The following SPAG16 variants were observed in gnomAD, a reference collection of about 807,000 sequenced individuals.
SPAG16 encodes the protein sperm-associated antigen 16 protein.
Under a neutral mutation model 80.4 loss-of-function variants are expected in SPAG16, and 86 were observed. That is an observed-to-expected ratio of 1.07 (90% CI 0.90 to 1.28). The LOEUF is 1.28. SPAG16 is among the 50% of genes most tolerant of loss of function. SPAG16 has a pLI of 0.00. For missense variants in SPAG16, 870 were observed against 765.3 expected, an observed-to-expected ratio of 1.14 and a Z score of -1.61; for synonymous variants, 294 against 265.9, an observed-to-expected ratio of 1.11 and a Z score of -1.03.
Position 213,836,253 on chromosome 2 carries a change from A to T in SPAG16, c.1071-26232A>T, listed in dbSNP as rs184315016. Among the ~76,000 whole-genome samples, 1,297 of 147,912 alleles carry T rather than the reference A, an allele frequency of 8.8e-3. 17 individuals carry two copies. Among genetic ancestry groups the T allele is most frequent in the African/African-American group, 0.031 (1,245 of 40,366 alleles). On this transcript the variant is annotated intron_variant, in intron 10 of 15. Transcript: ENST00000331683. ...TCAGATGTTATAATTACTTCTTATA[A>T]TTTTTTTTCCTTTAGAGGAATATCC...
intron 9 of SPAG16, among the ~76,000 whole-genome samples, chr2:213,375,955 G>T (rs2066863280): frequency 6.7e-6 from 1 of 148,802 alleles, no homozygotes; most frequent in South Asian, 2.1e-4. Flanking sequence ...TTATAAATTT[G>T]TATAAATATA....
intron 12 of SPAG16, among the ~76,000 whole-genome samples, chr2:213,997,110 A>G (rs1341476586): frequency 6.6e-6 from 1 of 152,164 alleles, no homozygotes; most frequent in Admixed American, 6.5e-5. Context: ...ACATATGCTG[A>G]CTTAGGAAGT....
intron 9 of SPAG16, among the ~76,000 whole-genome samples, chr2:213,402,941 C>A (rs528590842): frequency 2.6e-5 from 4 of 152,034 alleles, no homozygotes; most frequent in Admixed American, 6.6e-5. Context: ...GGGTATATAC[C>A]CAGTAATGGG....
In SPAG16 at chr2:213,689,770, A is replaced by T. The variant is rs1001172636; in HGVS notation, c.1071-172715A>T. Among the ~76,000 whole-genome samples the T allele has an allele frequency of 4.6e-5, 7 of 152,018 alleles. No individual in the cohort carries two copies. The South Asian group carries it at 6.2e-4, about 14-fold the overall frequency. On this transcript the variant is annotated intron_variant, in intron 10 of 15. Transcript: ENST00000331683. Reference sequence around the variant, plus strand: ...AGTACCCAGCTGAATATTCGAGGAGAATTGTTTACAGATGTCTGGAATTTT... The same window carrying T: ...AGTACCCAGCTGAATATTCGAGGAGTATTGTTTACAGATGTCTGGAATTTT...
At chr2:213,673,709 G>A (rs1411580384) in intron 10 of SPAG16, among the ~76,000 whole-genome samples, 53 of 152,098 alleles carry the variant, frequency 3.5e-4, no homozygotes, top group Admixed American at 3.2e-3. Context: ...TTCTACTAAG[G>A]TAATGTAATA....
At position 213,300,928 on chromosome 2, in the gene SPAG16, C is replaced by T. The variant is rs538395455; in HGVS notation, c.279+3571C>T. 1.8e-4 allele frequency among the ~76,000 whole-genome samples: 27 copies of T among 152,078 alleles called. No individual in the cohort carries two copies. In the South Asian group the frequency reaches 5.2e-3, roughly 29 times the overall value. On this transcript the variant is annotated intron_variant, in intron 3 of 15. Coordinates refer to ENST00000331683, the MANE Select transcript of SPAG16 (RefSeq NM_024532.5). The stretch of plus-strand genomic sequence containing the variant: ...TTAAGAATTAATATAAAAAAGTTCT[C>T]TTGCTATTATGTTAATATACCAAAA...
intron 11 of SPAG16, among the ~76,000 whole-genome samples, chr2:213,880,808 G>A (rs1290804965): frequency 6.6e-6 from 1 of 152,050 alleles, no homozygotes; most frequent in African/African-American, 2.4e-5. Flanking sequence ...TTATTTCTGG[G>A]TTCTCTATTT....
chr2:213,620,456 CTAA>C (rs2061739858), intron 10 of SPAG16, among the ~76,000 whole-genome samples: 1 of 151,750 alleles, frequency 6.6e-6, no homozygotes, highest in African/African-American at 2.4e-5. Context: ...CCACGCCCGG[CTAA>C]TTTTTTGTAT....
chr2:213,995,472 A>T lies in SPAG16; in HGVS notation c.1401-18479A>T, dbSNP rs374833532. The stretch of plus-strand genomic sequence containing the variant: ...TTAAATATGTGATGAATACATGTAT[A>T]TCCGTGACACATGAGTCTCTGCCTG... On this transcript the variant is annotated intron_variant, in intron 12 of 15. Transcript: ENST00000331683. Among the ~76,000 whole-genome samples, 88 of 152,344 alleles carry T rather than the reference A, an allele frequency of 5.8e-4. 1 individual carries two copies. In the South Asian group the frequency reaches 0.017, roughly 29 times the overall value.
At chr2:213,876,416 T>A (rs1320404911) in intron 11 of SPAG16, among the ~76,000 whole-genome samples, 1 of 151,938 alleles carries the variant, frequency 6.6e-6, no homozygotes, top group African/African-American at 2.4e-5. Context: ...TGAGTGCACA[T>A]CAAATTCCCT....
intron 15 of SPAG16, chr2:214,280,707 A>G: frequency 2.7e-6 from 1 of 364,672 alleles, no homozygotes; most frequent in South Asian, 2.8e-5. Flanking sequence ...CTTTCTTCTG[A>G]GCAAGGGACA....
At chr2:213,550,024 C>A (rs2076736441) in intron 10 of SPAG16, among the ~76,000 whole-genome samples, 1 of 151,930 alleles carries the variant, frequency 6.6e-6, no homozygotes, top group South Asian at 2.1e-4. Flanking sequence ...TTGTATTTGA[C>A]AAAAAGATGC....
At chr2:214,056,888 G>C (rs2049972799) in intron 13 of SPAG16, among the ~76,000 whole-genome samples, 1 of 152,112 alleles carries the variant, frequency 6.6e-6, no homozygotes, top group Non-Finnish European at 1.5e-5. Flanking sequence ...ATCTTCCCCA[G>C]GAGTAGATTC....
chr2:213,304,503 G>A (rs893296112), intron 3 of SPAG16, among the ~76,000 whole-genome samples: 5 of 151,974 alleles, frequency 3.3e-5, no homozygotes, highest in South Asian at 2.1e-4. Context: ...GAAGGTCCAC[G>A]GTTTGAGGGT....
chr2:213,793,652 A>C (rs1244272622), intron 10 of SPAG16, among the ~76,000 whole-genome samples: 1 of 152,220 alleles, frequency 6.6e-6, no homozygotes, highest in Non-Finnish European at 1.5e-5. Flanking sequence ...TGTAAGCACT[A>C]GTAATAATTC....
At chr2:214,410,118 C>T (rs1481866878) in intron 15 of SPAG16, 22 bp from the exon 16 acceptor site, 2 of 1,612,162 alleles carry the variant, frequency 1.2e-6, no homozygotes, top group African/African-American at 2.7e-5. Context: ...TTCTCTCTCT[C>T]TCTCCTCTCT....
intron 10 of SPAG16, among the ~76,000 whole-genome samples, chr2:213,601,068 A>C (rs1033552017): frequency 2.0e-5 from 3 of 152,156 alleles, no homozygotes; most frequent in African/African-American, 7.2e-5. Flanking sequence ...AGGGAAATGC[A>C]ATGGGCTTGG....
chr2:213,637,904 C>T (rs1328815978), intron 10 of SPAG16, among the ~76,000 whole-genome samples: 1 of 152,048 alleles, frequency 6.6e-6, no homozygotes, highest in Non-Finnish European at 1.5e-5. Flanking sequence ...CTACAGGCAC[C>T]TGCCACCACG....
At chr2:213,517,308 G>C (rs962376077) in intron 10 of SPAG16, among the ~76,000 whole-genome samples, 4 of 152,142 alleles carry the variant, frequency 2.6e-5, no homozygotes, top group Non-Finnish European at 5.9e-5. Flanking sequence ...ATAAATTAGA[G>C]ATGACACAAA....
Sources: allele counts gnomAD v4.1 joint callset (sites outside exome capture counted in the v4.1 genomes callset), GRCh38; gene constraint gnomAD v4.1.1; transcripts MANE v1.5; gene names NCBI Gene and HGNC (gene_info 2026-07-23, HGNC 2026-07-21).